TRPS1: variants seen among roughly 807,000 people sequenced by gnomAD.
TRPS1 encodes the protein transcriptional repressor GATA binding 1.
Under a neutral mutation model 101.2 loss-of-function variants are expected in TRPS1, and 6 were observed. The observed-to-expected ratio is 0.06, with a 90% CI of 0.03 to 0.12. The LOEUF (loss-of-function observed/expected upper bound fraction) is 0.12. Ranked by LOEUF, TRPS1 falls within the 10% of genes least tolerant of loss-of-function variation. The pLI, the probability that TRPS1 is intolerant of heterozygous loss-of-function variation, is 1.00. For missense variants in TRPS1, 1,363 were observed against 1,567.0 expected (o/e 0.87, Z 2.20); for synonymous variants, 578 against 589.8 (o/e 0.98, Z 0.29).
At chr8:115,464,424 C>G (rs1814268393) in intron 5 of TRPS1, among the ~76,000 whole-genome samples, 1 of 152,054 alleles carries the variant, frequency 6.6e-6, no homozygotes, top group Non-Finnish European at 1.5e-5. Flanking sequence ...TTACATCAAA[C>G]TATTGCACTC....
chr8:115,666,005 G>T (rs569681854), intron 1 of TRPS1, among the ~76,000 whole-genome samples: 2 of 152,274 alleles, frequency 1.3e-5, no homozygotes, highest in South Asian at 4.1e-4. Context: ...TACTAATGAA[G>T]CTTCAGAAGG....
intron 1 of TRPS1, among the ~76,000 whole-genome samples, chr8:115,642,402 T>C (rs1422430931): frequency 6.6e-6 from 1 of 152,054 alleles, no homozygotes; most frequent in Non-Finnish European, 1.5e-5. Context: ...ATGACAAAGA[T>C]GACAGAAAAT....
intron 5 of TRPS1, among the ~76,000 whole-genome samples, chr8:115,435,216 A>C (rs1160897241): frequency 6.6e-6 from 1 of 152,160 alleles, no homozygotes; most frequent in East Asian, 1.9e-4. Flanking sequence ...CTAGCTACTG[A>C]AGTTCTCACA....
intron 5 of TRPS1, among the ~76,000 whole-genome samples, chr8:115,571,205 T>C (rs976905804): frequency 2.0e-5 from 3 of 152,298 alleles, no homozygotes; most frequent in East Asian, 3.9e-4. Context: ...TAATGGAAAA[T>C]TGGTATACTC....
chr8:115,573,678 G>A (rs1359916254), intron 5 of TRPS1, among the ~76,000 whole-genome samples: 1 of 152,068 alleles, frequency 6.6e-6, no homozygotes, highest in Non-Finnish European at 1.5e-5. Flanking sequence ...CCAAATCCTG[G>A]AATGGTTCCC....
intron 5 of TRPS1, among the ~76,000 whole-genome samples, chr8:115,556,018 C>T (rs1406775908): frequency 6.6e-6 from 1 of 151,684 alleles, no homozygotes; most frequent in East Asian, 1.9e-4. Flanking sequence ...GAGACTTTGT[C>T]TGAAAAAAAA....
rs1812805672 is a variant in TRPS1 at position 115,412,173 on chromosome 8, A to T, written c.*1850T>A. Reference sequence around the variant, plus strand: ...GCATAACAATGTGAGTTAAGAGCTTAAAAATTAAAAAAAAAAAAGTACTTG... The same window carrying T: ...GCATAACAATGTGAGTTAAGAGCTTTAAAATTAAAAAAAAAAAAGTACTTG... On this transcript the variant is annotated 3_prime_UTR_variant, in exon 7 of 7. Coordinates refer to ENST00000395715, the MANE Select transcript of TRPS1 (RefSeq NM_014112.5). The T allele has an allele frequency of 6.6e-6, 1 of 151,072 alleles. No homozygotes were observed. The highest frequency in any genetic ancestry group is 2.5e-5 in the African/African-American group (1 of 40,136). 9.4% of individuals were successfully genotyped at this position (151,072 alleles called of 1,614,324 possible).
chr8:115,616,313 A>G lies in TRPS1; in HGVS notation c.966+2819T>C, dbSNP rs550152004. ...GGATATTATCAGCACAAGCATGTCT[A>G]AATTTCAATTATTCCTCCAAGTATA... On this transcript the variant is annotated intron_variant, in intron 3 of 6. Coordinates refer to ENST00000395715, the MANE Select transcript of TRPS1 (RefSeq NM_014112.5). 3.3e-5 allele frequency among the ~76,000 whole-genome samples: 5 copies of G among 152,352 alleles called. No homozygotes were observed. In the South Asian group the frequency reaches 1.0e-3, roughly 32 times the overall value.
intron 5 of TRPS1, among the ~76,000 whole-genome samples, chr8:115,519,982 A>G (rs1262276728): frequency 6.6e-6 from 1 of 151,766 alleles, no homozygotes; most frequent in East Asian, 1.9e-4. Context: ...GCTCCCTTTT[A>G]ATTCCATCTA....
intron 1 of TRPS1, among the ~76,000 whole-genome samples, chr8:115,665,464 A>G (rs1251165279): frequency 6.6e-6 from 1 of 152,178 alleles, no homozygotes; most frequent in African/African-American, 2.4e-5. Flanking sequence ...CCCTGTTTTA[A>G]AGGTCTTCCT....
At chr8:115,601,224 AAC>A (rs1457833187) in intron 4 of TRPS1, among the ~76,000 whole-genome samples, 1 of 152,238 alleles carries the variant, frequency 6.6e-6, no homozygotes, top group African/African-American at 2.4e-5. Flanking sequence ...TCACAGAAAT[AAC>A]ACAGAATTAT....
intron 4 of TRPS1, among the ~76,000 whole-genome samples, chr8:115,601,403 A>C (rs1817904343): frequency 6.6e-6 from 1 of 152,160 alleles, no homozygotes; most frequent in Non-Finnish European, 1.5e-5. Context: ...ATGTTCTTTC[A>C]CATCTCTGGG....
At chr8:115,606,333 T>C (rs1303396060) in intron 3 of TRPS1, among the ~76,000 whole-genome samples, 5 of 152,218 alleles carry the variant, frequency 3.3e-5, no homozygotes, top group African/African-American at 1.2e-4. Flanking sequence ...CTCTGGCCAA[T>C]AGCTTCTTCA....
intron 5 of TRPS1, among the ~76,000 whole-genome samples, chr8:115,459,950 A>C (rs1814125876): frequency 6.6e-6 from 1 of 152,204 alleles, no homozygotes; most frequent in South Asian, 2.1e-4. Context: ...TGTAATATGA[A>C]ATTATGTATG....
chr8:115,433,723 C>T (rs1024508006), intron 5 of TRPS1, among the ~76,000 whole-genome samples: 2 of 152,090 alleles, frequency 1.3e-5, no homozygotes, highest in African/African-American at 4.8e-5. Flanking sequence ...ATATGAAAGC[C>T]ATTGTTAATT....
intron 5 of TRPS1, among the ~76,000 whole-genome samples, chr8:115,531,359 A>T (rs1328165133): frequency 6.6e-6 from 1 of 152,196 alleles, no homozygotes; most frequent in Non-Finnish European, 1.5e-5. Context: ...GTCACTAGAC[A>T]GACTAGCAAA....
At chr8:115,495,717 C>A (rs1043696747) in intron 5 of TRPS1, among the ~76,000 whole-genome samples, 3 of 151,616 alleles carry the variant, frequency 2.0e-5, no homozygotes, top group Admixed American at 2.0e-4. Context: ...AAAGTCTTTA[C>A]AAGCCCAGTC....
intron 5 of TRPS1, among the ~76,000 whole-genome samples, chr8:115,553,841 T>C (rs1283288341): frequency 6.6e-6 from 1 of 152,180 alleles, no homozygotes; most frequent in African/African-American, 2.4e-5. Flanking sequence ...GAAAATCATC[T>C]AAATTTGTGA....
intron 5 of TRPS1, among the ~76,000 whole-genome samples, chr8:115,432,637 C>T (rs139171705): frequency 5.7e-4 from 87 of 151,808 alleles, no homozygotes; most frequent in African/African-American, 2.1e-3. Flanking sequence ...AGTGTGCCTG[C>T]TATATAAAAG....
Sources: allele counts gnomAD v4.1 joint callset (sites outside exome capture counted in the v4.1 genomes callset), GRCh38; gene constraint gnomAD v4.1.1; transcripts MANE v1.5; gene names NCBI Gene and HGNC (gene_info 2026-07-23, HGNC 2026-07-21).